NOS1AP: variants seen among roughly 807,000 people sequenced by gnomAD.
NOS1AP encodes nitric oxide synthase 1 adaptor protein.
A neutral mutation model predicts 56.2 loss-of-function variants in NOS1AP; 21 were observed. That is an observed-to-expected ratio of 0.37 (90% CI 0.26 to 0.54). The LOEUF is 0.54. Among genes scored for constraint, NOS1AP ranks in the 20% least tolerant of loss-of-function variants. The pLI, the probability that NOS1AP is intolerant of heterozygous loss-of-function variation, is 0.84. For synonymous variants in NOS1AP, 270 were observed against 274.6 expected, an observed-to-expected ratio of 0.98 and a Z score of 0.17; for missense variants, 522 against 657.8, an observed-to-expected ratio of 0.79 and a Z score of 2.26.
chr1:162,246,926 G>A (rs1268995123), intron 2 of NOS1AP, among the ~76,000 whole-genome samples: 1 of 152,090 alleles, frequency 6.6e-6, no homozygotes, highest in Non-Finnish European at 1.5e-5. Flanking sequence ...TAAAACTGTA[G>A]GAATCAGGGA....
At chr1:162,107,239 G>A (rs1264145907) in intron 1 of NOS1AP, among the ~76,000 whole-genome samples, 1 of 152,126 alleles carries the variant, frequency 6.6e-6, no homozygotes, top group Non-Finnish European at 1.5e-5. Context: ...AGAAAAAGGA[G>A]AAGAGGGGTA....
intron 1 of NOS1AP, among the ~76,000 whole-genome samples, chr1:162,135,328 G>A (rs954551908): frequency 1.3e-5 from 2 of 152,176 alleles, no homozygotes; most frequent in Non-Finnish European, 2.9e-5. Context: ...AGGACAGTGT[G>A]GATACTGAGT....
In NOS1AP at chr1:162,191,393, T is replaced by C. The variant is rs1175542745; in HGVS notation, c.177+36917T>C. On this transcript the variant is annotated intron_variant, in intron 2 of 9. Transcript: ENST00000361897. ...ATCTTCCCTGCTTCGAAGTGTTTTC[T>C]GTGCACTATGGTGCAGGGGTTTGTG... Among the ~76,000 whole-genome samples, 3 of 152,216 alleles carry C rather than the reference T, an allele frequency of 2.0e-5. No individual in the cohort carries two copies. In the East Asian group the frequency reaches 5.8e-4, roughly 29 times the overall value.
At chr1:162,233,738 A>T (rs1348860542) in intron 2 of NOS1AP, among the ~76,000 whole-genome samples, 1 of 152,122 alleles carries the variant, frequency 6.6e-6, no homozygotes, top group East Asian at 1.9e-4. Flanking sequence ...AGTGTTTTGA[A>T]CTCAAGCCTC....
intron 2 of NOS1AP, among the ~76,000 whole-genome samples, chr1:162,175,660 C>A (rs993826476): frequency 2.6e-5 from 4 of 152,106 alleles, no homozygotes; most frequent in Non-Finnish European, 5.9e-5. Context: ...AATGTGTTTG[C>A]ATCTAGGCCC....
chr1:162,356,273 A>G (rs1657702942), intron 7 of NOS1AP, among the ~76,000 whole-genome samples: 1 of 152,246 alleles, frequency 6.6e-6, no homozygotes, highest in Non-Finnish European at 1.5e-5. Context: ...TATGAATCGT[A>G]GAAGCCATCT....
intron 5 of NOS1AP, among the ~76,000 whole-genome samples, chr1:162,337,774 G>T (rs1656987741): frequency 6.6e-6 from 1 of 152,142 alleles, no homozygotes; most frequent in Non-Finnish European, 1.5e-5. Context: ...CACCTGCTTT[G>T]AAACTAAACT....
intron 2 of NOS1AP, among the ~76,000 whole-genome samples, chr1:162,223,767 A>C (rs1652857409): frequency 6.6e-6 from 1 of 152,256 alleles, no homozygotes; most frequent in South Asian, 2.1e-4. Flanking sequence ...CTTGCAGTTC[A>C]GAATACCTGC....
At chr1:162,119,486 A>G (rs998006204) in intron 1 of NOS1AP, among the ~76,000 whole-genome samples, 1 of 152,210 alleles carries the variant, frequency 6.6e-6, no homozygotes, top group Non-Finnish European at 1.5e-5. Flanking sequence ...TTTACTCCGC[A>G]TTCTATAAAA....
At chr1:162,299,838 A>G (rs961245293) in intron 3 of NOS1AP, among the ~76,000 whole-genome samples, 10 of 152,000 alleles carry the variant, frequency 6.6e-5, no homozygotes, top group Non-Finnish European at 1.2e-4. Context: ...CTTCTTCCTA[A>G]TGTCACTGTA....
At chr1:162,309,462 A>T (rs1655955776) in intron 4 of NOS1AP, among the ~76,000 whole-genome samples, 1 of 152,252 alleles carries the variant, frequency 6.6e-6, no homozygotes, top group South Asian at 2.1e-4. Flanking sequence ...AGAATATGCT[A>T]AGTTAAGTGC....
chr1:162,217,077 T>G (rs919443411), intron 2 of NOS1AP, among the ~76,000 whole-genome samples: 1 of 152,074 alleles, frequency 6.6e-6, no homozygotes, highest in Non-Finnish European at 1.5e-5. Flanking sequence ...AGGGCGTTCA[T>G]GTATATTTGG....
intron 2 of NOS1AP, among the ~76,000 whole-genome samples, chr1:162,237,320 G>A (rs1466117024): frequency 1.3e-5 from 2 of 152,224 alleles, no homozygotes; most frequent in East Asian, 3.8e-4. Flanking sequence ...CCATTTAACT[G>A]TAAAATTGGG....
chr1:162,136,581 T>G (rs1649014556), intron 1 of NOS1AP, among the ~76,000 whole-genome samples: 1 of 152,250 alleles, frequency 6.6e-6, no homozygotes, highest in African/African-American at 2.4e-5. Context: ...TACCCTGGGC[T>G]TACTCTCATT....
intron 5 of NOS1AP, among the ~76,000 whole-genome samples, chr1:162,334,068 T>G (rs1656861525): frequency 6.6e-6 from 1 of 152,194 alleles, no homozygotes; most frequent in Non-Finnish European, 1.5e-5. Flanking sequence ...ATGCATCTTT[T>G]GTCTTCAGGC....
intron 2 of NOS1AP, among the ~76,000 whole-genome samples, chr1:162,181,110 A>G (rs56120308): frequency 0.085 from 12,982 of 152,308 alleles, 771 homozygotes; most frequent in South Asian, 0.21. Flanking sequence ...GGTAGTCAAT[A>G]AAAGGATTGC....
At chr1:162,070,982 G>T (rs1317328083) in intron 1 of NOS1AP, among the ~76,000 whole-genome samples, 1 of 152,174 alleles carries the variant, frequency 6.6e-6, no homozygotes, top group Non-Finnish European at 1.5e-5. Flanking sequence ...CAGGTCCACC[G>T]TTGGGGGAGG....
chr1:162,178,275 A>G (rs1394819438), intron 2 of NOS1AP, among the ~76,000 whole-genome samples: 1 of 152,160 alleles, frequency 6.6e-6, no homozygotes, highest in Non-Finnish European at 1.5e-5. Flanking sequence ...GCTGCTTCCA[A>G]GGTTTGGAAT....
intron 2 of NOS1AP, among the ~76,000 whole-genome samples, chr1:162,190,084 T>C (rs1052464498): frequency 6.6e-6 from 1 of 152,216 alleles, no homozygotes; most frequent in Non-Finnish European, 1.5e-5. Flanking sequence ...GGCCTGTGAA[T>C]TGATGCCAAG....
Sources: gnomAD v4.1 joint callset for allele counts (sites outside exome capture counted in the v4.1 genomes callset) on GRCh38, gnomAD v4.1.1 for gene constraint, MANE v1.5 for transcripts, NCBI Gene and HGNC (gene_info 2026-07-23, HGNC 2026-07-21) for gene names.